CDK6: variants seen among roughly 807,000 people sequenced by gnomAD.
CDK6 encodes the protein cyclin-dependent kinase 6.
Under a neutral mutation model 37.1 loss-of-function variants are expected in CDK6, and 6 were observed. The ratio of observed to expected loss-of-function variants is 0.16; its 90% confidence interval spans 0.09 to 0.32. The LOEUF is 0.32. Ranked by LOEUF, CDK6 falls within the 10% of genes least tolerant of loss-of-function variation. The pLI is 1.00. For synonymous variants in CDK6, 160 were observed against 161.3 expected, an observed-to-expected ratio of 0.99 and a Z score of 0.06; for missense variants, 224 against 418.9, an observed-to-expected ratio of 0.53 and a Z score of 4.06.
At chr7:92,664,641 T>G (rs1159048625) in intron 5 of CDK6, among the ~76,000 whole-genome samples, 1 of 152,218 alleles carries the variant, frequency 6.6e-6, no homozygotes, top group Non-Finnish European at 1.5e-5. Context: ...CTTCTAACAG[T>G]GACTCTATTT....
chr7:92,782,802 C>CA (rs1299661036), intron 2 of CDK6, among the ~76,000 whole-genome samples: 14 of 152,076 alleles, frequency 9.2e-5, no homozygotes, highest in Admixed American at 3.9e-4. Flanking sequence ...TTACTTGCAA[C>CA]AAAAAATTGT....
intron 2 of CDK6, among the ~76,000 whole-genome samples, chr7:92,811,255 G>C (rs1800876437): frequency 1.3e-5 from 2 of 152,020 alleles, no homozygotes; most frequent in African/African-American, 4.8e-5. Context: ...ACGAGCCTGG[G>C]ATTCAACTAC....
rs149223335 is a variant in CDK6, at chr7:92,732,693, G to A, written c.370-6900C>T. Among the ~76,000 whole-genome samples the A allele has an allele frequency of 8.4e-4, 128 of 152,310 alleles. 1 individual carries two copies. Among genetic ancestry groups the A allele is most frequent in the Non-Finnish European group, 1.6e-3 (106 of 68,028 alleles). On this transcript the variant is annotated intron_variant, in intron 3 of 7. Transcript: ENST00000424848. The stretch of plus-strand genomic sequence containing the variant: ...TTTCCTTTTGCTAGGAATTGATCCA[G>A]GGATGAACATGACACCCAGTCCTGT...
At chr7:92,618,543 T>C (rs867624563) in intron 6 of CDK6, among the ~76,000 whole-genome samples, 2 of 152,212 alleles carry the variant, frequency 1.3e-5, no homozygotes, top group South Asian at 2.1e-4. Context: ...GCAGGACTTA[T>C]TGTATTCAGA....
intron 5 of CDK6, among the ~76,000 whole-genome samples, chr7:92,661,644 T>C (rs1403453522): frequency 6.6e-6 from 1 of 152,208 alleles, no homozygotes; most frequent in East Asian, 1.9e-4. Context: ...GTTTTCATCT[T>C]TCTCATCTTC....
rs1799002580 is a variant in CDK6 at position 92,744,266 on chromosome 7, A to G, written c.370-18473T>C. 2.0e-5 allele frequency among the ~76,000 whole-genome samples: 3 copies of G among 152,206 alleles called. No individual in the cohort carries two copies. The South Asian group carries it at 6.2e-4, about 31-fold the overall frequency. On this transcript the variant is annotated intron_variant, in intron 3 of 7. Coordinates refer to ENST00000424848, the MANE Select transcript of CDK6 (RefSeq NM_001145306.2). ...ACATGGCTGGGGAGGCCTCACAATCATGGCGGAAGGCAAAGGAGGAGAAAA... is the reference window on the plus strand; with the variant it reads ...ACATGGCTGGGGAGGCCTCACAATCGTGGCGGAAGGCAAAGGAGGAGAAAA...
intron 3 of CDK6, among the ~76,000 whole-genome samples, chr7:92,773,541 G>A (rs935148277): frequency 1.3e-5 from 2 of 152,158 alleles, no homozygotes; most frequent in Non-Finnish European, 2.9e-5. Flanking sequence ...GGAATAGAAT[G>A]CCAGAGGAAA....
intron 5 of CDK6, among the ~76,000 whole-genome samples, chr7:92,645,768 TG>T (rs971882628): frequency 4.6e-5 from 7 of 152,242 alleles, no homozygotes; most frequent in Non-Finnish European, 7.3e-5. Context: ...TGGCAATAGC[TG>T]GAATTTATGA....
At chr7:92,730,789 G>C (rs1562949612) in intron 3 of CDK6, among the ~76,000 whole-genome samples, 1 of 152,072 alleles carries the variant, frequency 6.6e-6, no homozygotes, top group Non-Finnish European at 1.5e-5. Flanking sequence ...TCCATAGATG[G>C]GCACCTCAGT....
At chr7:92,781,689 C>T (rs1168137637) in intron 2 of CDK6, among the ~76,000 whole-genome samples, 2 of 151,900 alleles carry the variant, frequency 1.3e-5, no homozygotes, top group East Asian at 1.9e-4. Flanking sequence ...ACTTTTTTTT[C>T]CCCCATTCTC....
At chr7:92,780,906 A>T (rs1290817189) in intron 2 of CDK6, among the ~76,000 whole-genome samples, 3 of 152,130 alleles carry the variant, frequency 2.0e-5, no homozygotes, top group African/African-American at 7.2e-5. Context: ...ACCTTTTTTT[A>T]AAAATTTTTG....
rs577906527 is a variant in CDK6 at position 92,684,817 on chromosome 7, A to G, written c.538-13282T>C. 3.9e-5 allele frequency among the ~76,000 whole-genome samples: 6 copies of G among 152,338 alleles called. No individual in the cohort carries two copies. In the East Asian group the frequency reaches 1.2e-3, roughly 29 times the overall value. The stretch of plus-strand genomic sequence containing the variant: ...AATACACAATTTAGGGAACCTAAAT[A>G]CTATGACCCACCATTTTCTAACACA... On this transcript the variant is annotated intron_variant, in intron 4 of 7. Transcript: ENST00000424848.
chr7:92,674,179 TC>T (rs1797155032), intron 4 of CDK6, among the ~76,000 whole-genome samples: 1 of 151,934 alleles, frequency 6.6e-6, no homozygotes, highest in Non-Finnish European at 1.5e-5. Flanking sequence ...ATCGCTCTTG[TC>T]TCCATGCTTT....
At chr7:92,732,054 T>C (rs1437939692) in intron 3 of CDK6, among the ~76,000 whole-genome samples, 1 of 152,248 alleles carries the variant, frequency 6.6e-6, no homozygotes, top group African/African-American at 2.4e-5. Context: ...ACACATTGTT[T>C]TGTGAGGCTT....
chr7:92,623,415 T>C (rs1424117089), intron 5 of CDK6, among the ~76,000 whole-genome samples: 1 of 152,176 alleles, frequency 6.6e-6, no homozygotes, highest in Non-Finnish European at 1.5e-5. Context: ...AGGTGGAACA[T>C]ACCACCATCC....
intron 2 of CDK6, among the ~76,000 whole-genome samples, chr7:92,782,931 C>G (rs1800030582): frequency 1.3e-5 from 2 of 152,168 alleles, no homozygotes; most frequent in African/African-American, 4.8e-5. Flanking sequence ...AAAGAAGTAG[C>G]AGTGTCCTCA....
At chr7:92,636,456 T>C (rs774377543) in intron 5 of CDK6, among the ~76,000 whole-genome samples, 2 of 152,156 alleles carry the variant, frequency 1.3e-5, no homozygotes, top group African/African-American at 2.4e-5. Flanking sequence ...TGAGGGGATA[T>C]GATTATATAT....
At chr7:92,665,003 T>A (rs535491389) in intron 5 of CDK6, among the ~76,000 whole-genome samples, 1 of 152,182 alleles carries the variant, frequency 6.6e-6, no homozygotes, top group African/African-American at 2.4e-5. Flanking sequence ...GCCAGGATGG[T>A]CTTGATCTCC....
chr7:92,693,706 C>T (rs1450905497), intron 4 of CDK6, among the ~76,000 whole-genome samples: 1 of 152,136 alleles, frequency 6.6e-6, no homozygotes, highest in African/African-American at 2.4e-5. Context: ...GTCATAAAAG[C>T]AGTTAGTGCT....
Sources: allele counts gnomAD v4.1 joint callset (sites outside exome capture counted in the v4.1 genomes callset), GRCh38; gene constraint gnomAD v4.1.1; transcripts MANE v1.5; gene names NCBI Gene and HGNC (gene_info 2026-07-23, HGNC 2026-07-21).